The following CNTNAP4 variants were observed in gnomAD, a reference collection of about 807,000 sequenced individuals.
CNTNAP4 encodes the protein contactin-associated protein-like 4.
In CNTNAP4, 98 loss-of-function variants were observed where a neutral mutation model predicts 148.4. That is an observed-to-expected ratio of 0.66 (90% CI 0.56 to 0.78). CNTNAP4 has a LOEUF of 0.78. Among genes scored for constraint, CNTNAP4 ranks in the 30% least tolerant of loss-of-function variants. The pLI is 0.00. For missense variants in CNTNAP4, 1,935 were observed against 1,565.6 expected (o/e 1.24, Z -3.98); for synonymous variants, 730 against 565.1 (o/e 1.29, Z -4.14).
chr16:76,527,449 G>A (rs1414493214), intron 17 of CNTNAP4, among the ~76,000 whole-genome samples: 1 of 152,104 alleles, frequency 6.6e-6, no homozygotes, highest in East Asian at 1.9e-4. Flanking sequence ...AATTTAATTT[G>A]TGGTTCATCT....
chr16:76,341,559 A>G (rs772494504), intron 2 of CNTNAP4, among the ~76,000 whole-genome samples: 2 of 152,228 alleles, frequency 1.3e-5, no homozygotes, highest in Non-Finnish European at 2.9e-5. Flanking sequence ...AATGAATGGA[A>G]GGCTAGAATT....
chr16:76,278,021 G>C (rs1958546736), intron 1 of CNTNAP4, among the ~76,000 whole-genome samples: 1 of 152,152 alleles, frequency 6.6e-6, no homozygotes, highest in East Asian at 1.9e-4. Flanking sequence ...CCAAGTTCTA[G>C]TAAAACATGA....
intron 9 of CNTNAP4, among the ~76,000 whole-genome samples, chr16:76,465,587 C>G (rs1479551309): frequency 6.6e-6 from 1 of 152,128 alleles, no homozygotes; most frequent in African/African-American, 2.4e-5. Context: ...ATTTATATGC[C>G]TGGCATATTA....
rs1479102099 is a variant in CNTNAP4 at position 76,538,308 on chromosome 16, A to G, written c.3188A>G (p.Lys1063Arg). The G allele has an allele frequency of 1.2e-6, 2 of 1,605,372 alleles. No homozygotes were observed. The highest frequency in any genetic ancestry group is 3.5e-5 in the Admixed American group (2 of 57,716). ...CTGCTTTTTGTGAGCTCCTTTTACAAAGAATACCTTTCTGTGATCATTGCC... is the reference window on the plus strand; with the variant it reads ...CTGCTTTTTGTGAGCTCCTTTTACAGAGAATACCTTTCTGTGATCATTGCC... Reference protein sequence around the residue: ...SLLLFVSSFYKEYLSVIIAKN... With the variant: ...SLLLFVSSFYREYLSVIIAKN... The change falls in exon 19 of 24, where the codon AAA (lysine) becomes AGA (arginine). Residue 1063 changes from lysine to arginine, a missense_variant. Transcript: ENST00000611870.
intron 1 of CNTNAP4, among the ~76,000 whole-genome samples, chr16:76,314,617 A>C (rs141741748): frequency 3.1e-4 from 47 of 152,324 alleles, no homozygotes; most frequent in African/African-American, 1.0e-3. Context: ...TTATTGGGAC[A>C]TCAGGACACG....
At chr16:76,430,390 C>T (rs767213538) in intron 4 of CNTNAP4, among the ~76,000 whole-genome samples, 3 of 152,122 alleles carry the variant, frequency 2.0e-5, no homozygotes, top group Non-Finnish European at 4.4e-5. Context: ...TTTCCCTGCC[C>T]TCAGAAGGAA....
At chr16:76,405,400 A>C (rs748368334) in intron 3 of CNTNAP4, among the ~76,000 whole-genome samples, 1 of 152,198 alleles carries the variant, frequency 6.6e-6, no homozygotes, top group African/African-American at 2.4e-5. Context: ...TAACACAGGG[A>C]GGAGGGGAAA....
At chr16:76,374,406 T>C (rs185781047) in intron 3 of CNTNAP4, among the ~76,000 whole-genome samples, 1 of 152,306 alleles carries the variant, frequency 6.6e-6, no homozygotes, top group Non-Finnish European at 1.5e-5. Flanking sequence ...CCTGAAATAA[T>C]GTAAAAAAAT....
chr16:76,398,923 C>T (rs1249423088), intron 3 of CNTNAP4, among the ~76,000 whole-genome samples: 4 of 151,822 alleles, frequency 2.6e-5, no homozygotes, highest in African/African-American at 7.3e-5. Context: ...TTGTAATAAT[C>T]CCCCCTGTGT....
At chr16:76,289,031 A>C (rs1031929946) in intron 1 of CNTNAP4, among the ~76,000 whole-genome samples, 1 of 151,918 alleles carries the variant, frequency 6.6e-6, no homozygotes, top group Non-Finnish European at 1.5e-5. Flanking sequence ...TATTCTTACT[A>C]TTTCTCACTA....
intron 2 of CNTNAP4, among the ~76,000 whole-genome samples, chr16:76,347,034 G>A (rs1018043238): frequency 2.0e-5 from 3 of 152,120 alleles, no homozygotes; most frequent in African/African-American, 7.2e-5. Context: ...AAGTGAAAAA[G>A]CATCTCTTTT....
At chr16:76,377,554 A>C (rs16944320) in intron 3 of CNTNAP4, among the ~76,000 whole-genome samples, 1,795 of 152,304 alleles carry the variant, frequency 0.012, 45 homozygotes, top group African/African-American at 0.041. Flanking sequence ...GGAGTCTGTG[A>C]AAGTCATTTA....
intron 3 of CNTNAP4, among the ~76,000 whole-genome samples, chr16:76,411,570 GT>G (rs763272224): frequency 2.0e-5 from 3 of 151,236 alleles, no homozygotes; most frequent in Non-Finnish European, 4.4e-5. Context: ...GATAAATTAT[GT>G]GATATCTAAA....
intron 2 of CNTNAP4, among the ~76,000 whole-genome samples, chr16:76,324,682 C>T (rs988795491): frequency 6.6e-6 from 1 of 152,148 alleles, no homozygotes; most frequent in African/African-American, 2.4e-5. Flanking sequence ...CCATGTCATA[C>T]AACTGGCAGC....
At chr16:76,370,459 C>T (rs559500136) in intron 3 of CNTNAP4, among the ~76,000 whole-genome samples, 17 of 152,144 alleles carry the variant, frequency 1.1e-4, no homozygotes, top group Non-Finnish European at 1.8e-4. Context: ...TCAGCCACTA[C>T]CAAGTAGCAG....
chr16:76,326,243 A>G (rs1383001184), intron 2 of CNTNAP4, among the ~76,000 whole-genome samples: 1 of 152,190 alleles, frequency 6.6e-6, no homozygotes, highest in African/African-American at 2.4e-5. Context: ...ACTAGCGTAC[A>G]TGTGTGAAGG....
chr16:76,440,055 A>G (rs941875724), intron 4 of CNTNAP4, among the ~76,000 whole-genome samples: 2 of 152,126 alleles, frequency 1.3e-5, no homozygotes, highest in African/African-American at 4.8e-5. Flanking sequence ...TTAGTAATTC[A>G]TGGGCAATAA....
chr16:76,422,342 T>C (rs1434361817), intron 3 of CNTNAP4, among the ~76,000 whole-genome samples: 1 of 128,892 alleles, frequency 7.8e-6, no homozygotes, highest in Non-Finnish European at 1.6e-5. Context: ...AAGAGTCTTA[T>C]TGATTATTCA....
intron 1 of CNTNAP4, among the ~76,000 whole-genome samples, chr16:76,292,985 C>T (rs1259364892): frequency 6.6e-6 from 1 of 152,002 alleles, no homozygotes; most frequent in African/African-American, 2.4e-5. Context: ...TAATTCCAGC[C>T]ACTTTCAAAA....
Sources: gnomAD v4.1 joint callset for allele counts (sites outside exome capture counted in the v4.1 genomes callset) on GRCh38, gnomAD v4.1.1 for gene constraint, MANE v1.5 for transcripts, NCBI Gene and HGNC (gene_info 2026-07-23, HGNC 2026-07-21) for gene names.